The following EGFR variants were observed in gnomAD, a reference collection of about 807,000 sequenced individuals.
The protein encoded by EGFR is epidermal growth factor receptor, also known as avian erythroblastic leukemia viral (v-erb-b) oncogene homolog.
EGFR carries 58 observed loss-of-function variants against 143.0 expected under a neutral mutation model. That is an observed-to-expected ratio of 0.41 (90% CI 0.33 to 0.50). EGFR has a LOEUF of 0.50. Ranked by LOEUF, EGFR falls within the 20% of genes least tolerant of loss-of-function variation. EGFR has a pLI of 0.39. For missense variants in EGFR, 1,307 were observed against 1,579.0 expected, an observed-to-expected ratio of 0.83 and a Z score of 2.92; for synonymous variants, 613 against 594.4, an observed-to-expected ratio of 1.03 and a Z score of -0.45.
intron 1 of EGFR, among the ~76,000 whole-genome samples, chr7:55,102,313 C>T (rs898934886): frequency 1.3e-5 from 2 of 152,218 alleles, no homozygotes; most frequent in African/African-American, 4.8e-5. Flanking sequence ...TTGCTCCCTC[C>T]AGGAACCCCA....
intron 19 of EGFR, chr7:55,179,640 G>A (rs1227167651): frequency 1.3e-5 from 2 of 152,250 alleles, no homozygotes; most frequent in African/African-American, 2.4e-5. Flanking sequence ...GGCAAGGAAA[G>A]CGTGTGAGCA....
chr7:55,101,761 A>G (rs1026222514), intron 1 of EGFR, among the ~76,000 whole-genome samples: 2 of 152,226 alleles, frequency 1.3e-5, no homozygotes, highest in African/African-American at 4.8e-5. Context: ...ATAGGTATTT[A>G]TAATATCTCC....
intron 4 of EGFR, 58 bp from the exon 5 acceptor site, chr7:55,151,236 G>A (rs1785135286): frequency 6.5e-7 from 1 of 1,535,434 alleles, no homozygotes; most frequent in South Asian, 1.1e-5. Context: ...CCGGGAAAGG[G>A]CGTCATCAGT....
At chr7:55,203,259 C>G (rs1242254931) in intron 27 of EGFR, among the ~76,000 whole-genome samples, 1 of 149,764 alleles carries the variant, frequency 6.7e-6, no homozygotes, top group African/African-American at 2.5e-5. Flanking sequence ...TACACACATA[C>G]ACACACCACA....
intron 1 of EGFR, among the ~76,000 whole-genome samples, chr7:55,138,659 A>G (rs957598657): frequency 6.6e-5 from 10 of 152,220 alleles, no homozygotes; most frequent in Non-Finnish European, 1.5e-4. Flanking sequence ...TTTCTGTTGC[A>G]TTCTCAATAG....
chr7:55,167,102 G>A (rs1786067901), intron 15 of EGFR, among the ~76,000 whole-genome samples: 2 of 140,060 alleles, frequency 1.4e-5, no homozygotes, highest in African/African-American at 5.5e-5. Context: ...GAGGAGGTGG[G>A]AGTCACAATG....
intron 1 of EGFR, among the ~76,000 whole-genome samples, chr7:55,020,412 G>A (rs1786482539): frequency 1.3e-5 from 2 of 152,346 alleles, no homozygotes; most frequent in Admixed American, 6.5e-5. Context: ...CGGAAGCCCC[G>A]GAAGCAGAGC....
At chr7:55,078,701 G>T (rs1790278617) in intron 1 of EGFR, among the ~76,000 whole-genome samples, 1 of 152,230 alleles carries the variant, frequency 6.6e-6, no homozygotes, top group Non-Finnish European at 1.5e-5. Flanking sequence ...GAGAGTGGAC[G>T]CTGTGGTGAC....
In EGFR at chr7:55,130,396, C is replaced by T. The variant is rs533579973; in HGVS notation, c.89-11890C>T. On this transcript the variant is annotated intron_variant, in intron 1 of 27. Coordinates refer to ENST00000275493, the MANE Select transcript of EGFR (RefSeq NM_005228.5). ...TTCTATGGCAGAAACTTGGCTGGGG[C>T]TTCTCCTGAGTTAACTTGGTAGTTG... Among the ~76,000 whole-genome samples, 5 of 152,290 alleles carry T rather than the reference C, an allele frequency of 3.3e-5. No individual in the cohort carries two copies. In the East Asian group the frequency reaches 7.7e-4, roughly 23 times the overall value.
At chr7:55,061,610 G>T (rs1282790516) in intron 1 of EGFR, among the ~76,000 whole-genome samples, 1 of 131,974 alleles carries the variant, frequency 7.6e-6, no homozygotes, top group African/African-American at 3.0e-5. Flanking sequence ...CGGTCTCCAG[G>T]GATGTGTGTG....
At chr7:55,035,523 CA>C (rs796083510) in intron 1 of EGFR, among the ~76,000 whole-genome samples, 10 of 128,950 alleles carry the variant, frequency 7.8e-5, no homozygotes, top group East Asian at 4.5e-4. Context: ...AAAAAAAAAA[CA>C]AAAAAAAAAC....
chr7:55,059,638 C>T (rs970145342), intron 1 of EGFR, among the ~76,000 whole-genome samples: 2 of 152,056 alleles, frequency 1.3e-5, no homozygotes, highest in Non-Finnish European at 2.9e-5. Flanking sequence ...CTCCTTCCCA[C>T]CCTCCCCAAA....
At chr7:55,065,328 G>A (rs1221283571) in intron 1 of EGFR, among the ~76,000 whole-genome samples, 3 of 152,144 alleles carry the variant, frequency 2.0e-5, no homozygotes, top group Non-Finnish European at 4.4e-5. Flanking sequence ...TGCGCTGTGT[G>A]GAAACTCCCT....
chr7:55,170,688 C>A, intron 15 of EGFR: 1 of 1,576,634 alleles, frequency 6.3e-7, no homozygotes, highest in South Asian at 1.2e-5. Context: ...TAGTAGCTAA[C>A]CATCACCCCC....
chr7:55,203,226 C>T, intron 27 of EGFR: 2 of 235,094 alleles, frequency 8.5e-6, no homozygotes, highest in Non-Finnish European at 1.7e-5. Flanking sequence ...CAAATACATA[C>T]ACACCACACA....
intron 16 of EGFR, chr7:55,172,726 G>T (rs142111675): frequency 6.1e-6 from 5 of 824,586 alleles, no homozygotes; most frequent in Non-Finnish European, 9.6e-6. Context: ...TCATTATATG[G>T]AGAGGTCCAG....
chr7:55,025,213 A>C (rs1786811008), intron 1 of EGFR, among the ~76,000 whole-genome samples: 1 of 152,186 alleles, frequency 6.6e-6, no homozygotes, highest in Admixed American at 6.5e-5. Context: ...TGGCTGCAGC[A>C]GCGGTTTGGG....
intron 1 of EGFR, among the ~76,000 whole-genome samples, chr7:55,087,544 T>C (rs773394109): frequency 6.6e-6 from 1 of 152,218 alleles, no homozygotes; most frequent in Non-Finnish European, 1.5e-5. Context: ...TTAAAAGGTA[T>C]GGCAAAATGT....
At chr7:55,080,677 G>C (rs1427049699) in intron 1 of EGFR, among the ~76,000 whole-genome samples, 1 of 152,126 alleles carries the variant, frequency 6.6e-6, no homozygotes, top group Admixed American at 6.5e-5. Flanking sequence ...ATTGCTAAGA[G>C]AGTAGATTTT....
Sources: gnomAD v4.1 joint callset for allele counts (sites outside exome capture counted in the v4.1 genomes callset) on GRCh38, gnomAD v4.1.1 for gene constraint, MANE v1.5 for transcripts, NCBI Gene and HGNC (gene_info 2026-07-23, HGNC 2026-07-21) for gene names.